Variants in CECR2 observed in about 807,000 individuals in gnomAD.
The protein encoded by CECR2 is CECR2 histone acetyl-lysine reader.
CECR2 carries 30 observed loss-of-function variants against 154.5 expected under a neutral mutation model. The ratio of observed to expected loss-of-function variants is 0.19; its 90% CI spans 0.15 to 0.26. The LOEUF is 0.26. Among genes scored for constraint, CECR2 ranks in the 10% least tolerant of loss-of-function variants. The pLI is 1.00. For missense variants in CECR2, 1,743 were observed against 1,829.3 expected (o/e 0.95, Z 0.86); for synonymous variants, 725 against 683.7 (o/e 1.06, Z -0.94).
intron 10 of CECR2, among the ~76,000 whole-genome samples, chr22:17,538,102 C>T (rs528703368): frequency 2.6e-5 from 4 of 152,218 alleles, no homozygotes; most frequent in African/African-American, 9.6e-5. Context: ...CCCGTAGTCC[C>T]AACTATTCAG....
intron 1 of CECR2, among the ~76,000 whole-genome samples, chr22:17,413,741 A>C (rs2146574955): frequency 6.6e-6 from 1 of 151,812 alleles, no homozygotes; most frequent in South Asian, 2.1e-4. Flanking sequence ...CAGTGGCGCG[A>C]TCTCAGCTCA....
Position 17,369,479 on chromosome 22 carries a change from A to C in CECR2, c.-305A>C. 7.0e-6 allele frequency: 1 copy of C among 143,446 alleles called. No individual in the cohort carries two copies. The highest frequency in any genetic ancestry group is 2.6e-5 in the African/African-American group (1 of 38,852). The allele number at this position is 143,446 out of a possible 1,614,324, so 8.9% of individuals were successfully genotyped here. A position where few individuals can be genotyped will look rare whatever the true frequency, so the allele number is the denominator to read the frequency against. On this transcript the variant is annotated 5_prime_UTR_variant, in exon 1 of 19. Transcript: ENST00000262608. The stretch of plus-strand genomic sequence containing the variant: ...AGCCCCATCTGTTTCTCCGGCGGGG[A>C]CTCGATTATATTGTAGGGGACTGGG...
chr22:17,427,264 G>A (rs2054345773), intron 1 of CECR2, among the ~76,000 whole-genome samples: 1 of 152,028 alleles, frequency 6.6e-6, no homozygotes, highest in Non-Finnish European at 1.5e-5. Flanking sequence ...GTCTACCATT[G>A]ATAGACATTT....
intron 1 of CECR2, among the ~76,000 whole-genome samples, chr22:17,455,757 C>T (rs1019847697): frequency 6.6e-6 from 1 of 152,218 alleles, no homozygotes; most frequent in Non-Finnish European, 1.5e-5. Context: ...ACTACAGGCG[C>T]ACACCAGCAC....
chr22:17,461,192 C>T (rs989667650), intron 1 of CECR2, among the ~76,000 whole-genome samples: 4 of 152,202 alleles, frequency 2.6e-5, no homozygotes, highest in Non-Finnish European at 4.4e-5. Context: ...ATGAGGAAAG[C>T]TTCTCTTCTC....
intron 8 of CECR2, among the ~76,000 whole-genome samples, chr22:17,516,950 G>T (rs1000467785): frequency 6.6e-6 from 1 of 150,648 alleles, no homozygotes; most frequent in African/African-American, 2.4e-5. Context: ...TCACTCTGTC[G>T]CCCAGGCTGG....
intron 6 of CECR2, among the ~76,000 whole-genome samples, chr22:17,504,307 G>A (rs2055794564): frequency 6.6e-6 from 1 of 151,920 alleles, no homozygotes; most frequent in Non-Finnish European, 1.5e-5. Context: ...CCCAGGAGGT[G>A]TAGGTTACAG....
Position 17,540,405 on chromosome 22 carries a change from C to T in CECR2, c.1496-7C>T, listed in dbSNP as rs1348498089. The stretch of plus-strand genomic sequence containing the variant: ...ACCTAGAAGTCAATCCTCCTGTCTT[C>T]CTATAGAGTATACCAAGATGTCTGA... On this transcript the variant is annotated splice_region_variant and splice_polypyrimidine_tract_variant and intron_variant, in intron 13 of 18. Transcript: ENST00000262608. 6.6e-7 allele frequency: 1 copy of T among 1,516,818 alleles called. No individual in the cohort carries two copies. The highest frequency in any genetic ancestry group is 1.4e-5 in the South Asian group (1 of 72,514). 94.0% of individuals were successfully genotyped at this position (1,516,818 alleles called of 1,614,324 possible).
chr22:17,513,139 C>A (rs2055989529), intron 8 of CECR2, among the ~76,000 whole-genome samples: 1 of 152,032 alleles, frequency 6.6e-6, no homozygotes, highest in African/African-American at 2.4e-5. Context: ...TTACTTGAGC[C>A]TAGGAGTTTG....
rs1569155862 is a variant in CECR2 at position 17,544,836 on chromosome 22, AGG to A, written c.2860+1834_2860+1835del. On this transcript the variant is annotated intron_variant, in intron 16 of 18. Coordinates refer to ENST00000262608, the MANE Select transcript of CECR2 (RefSeq NM_001290047.2). ...AAAAAAAAAAAAAAAAAAAAAAAAAAGGTTCATGCCTATAGTCCCAGCTACTT... is the reference window on the plus strand; with the variant it reads ...AAAAAAAAAAAAAAAAAAAAAAAAAATTCATGCCTATAGTCCCAGCTACTT... Among the ~76,000 whole-genome samples, 42 of 139,248 alleles carry A rather than the reference AGG, an allele frequency of 3.0e-4. 3 individuals carry two copies. Among genetic ancestry groups the A allele is most frequent in the Non-Finnish European group, 4.7e-4 (30 of 64,324 alleles). 91.4% of individuals were successfully genotyped at this position (139,248 alleles called of 152,430 possible).
rs551799682 is a variant in CECR2 at position 17,554,404 on chromosome 22, C to T, written c.*1564C>T. The T allele has an allele frequency of 2.6e-5, 4 of 152,150 alleles. No individual in the cohort carries two copies. The highest frequency in any genetic ancestry group is 6.6e-5 in the Admixed American group (1 of 15,252). The allele number at this position is 152,150 out of a possible 1,614,324, so 9.4% of individuals were successfully genotyped here. A position where few individuals can be genotyped will look rare whatever the true frequency, so the allele number is the denominator to read the frequency against. Reference sequence around the variant, plus strand: ...TGGGAGGGGCCAGTAGAGTGTTTCCCTCCAATTCCAGGATTCCTAGTGAAG... The same window carrying T: ...TGGGAGGGGCCAGTAGAGTGTTTCCTTCCAATTCCAGGATTCCTAGTGAAG... On this transcript the variant is annotated 3_prime_UTR_variant, in exon 19 of 19. Transcript: ENST00000262608.
rs189000115 is a variant in CECR2, at chr22:17,547,260, C to T, written c.2861-888C>T. ...CTCTTTTTTTTTTGAGATGGAGTCT[C>T]ACTCTGTCGCCCAGGCTGGAGTACA... On this transcript the variant is annotated intron_variant, in intron 16 of 18. Coordinates refer to ENST00000262608, the MANE Select transcript of CECR2 (RefSeq NM_001290047.2). Among the ~76,000 whole-genome samples the T allele has an allele frequency of 3.6e-3, 536 of 150,598 alleles. 4 individuals carry two copies. The highest frequency in any genetic ancestry group is 0.012 in the African/African-American group (507 of 41,134).
chr22:17,469,621 C>T (rs766735895), intron 1 of CECR2, among the ~76,000 whole-genome samples: 1 of 143,544 alleles, frequency 7.0e-6, no homozygotes, highest in African/African-American at 2.6e-5. Context: ...CAGTAAGAAT[C>T]CAGTTCTCTT....
chr22:17,492,928 C>T (rs1209353908), intron 2 of CECR2, among the ~76,000 whole-genome samples: 1 of 152,134 alleles, frequency 6.6e-6, no homozygotes, highest in Non-Finnish European at 1.5e-5. Flanking sequence ...TTTAGCAGCA[C>T]AGTGCCACTG....
chr22:17,493,220 T>C (rs2055562345), intron 2 of CECR2, among the ~76,000 whole-genome samples: 1 of 152,132 alleles, frequency 6.6e-6, no homozygotes, highest in African/African-American at 2.4e-5. Flanking sequence ...GATCTGCCCA[T>C]CTCGGCCTCC....
At chr22:17,414,458 T>C (rs2054124937) in intron 1 of CECR2, among the ~76,000 whole-genome samples, 1 of 138,090 alleles carries the variant, frequency 7.2e-6, no homozygotes, top group Non-Finnish European at 1.5e-5. Context: ...TCTTTTTTCT[T>C]TTTTTTTTTT....
rs2056107243 is a variant in CECR2 at position 17,518,876 on chromosome 22, C to T, written c.955-5242C>T. On this transcript the variant is annotated intron_variant, in intron 8 of 18. Coordinates refer to ENST00000262608, the MANE Select transcript of CECR2 (RefSeq NM_001290047.2). The stretch of plus-strand genomic sequence containing the variant: ...TTTTACCTCTCCTTTCTCTTAGTAT[C>T]CTTCCTTCTCCCCCAAAAAAACTTA... 1.2e-5 allele frequency: 3 copies of T among 243,972 alleles called. No homozygotes were observed. The South Asian group carries it at 1.7e-4, about 14-fold the overall frequency. 15.1% of individuals were successfully genotyped at this position (243,972 alleles called of 1,614,324 possible).
intron 16 of CECR2, among the ~76,000 whole-genome samples, chr22:17,547,520 G>A (rs1402502919): frequency 6.6e-6 from 1 of 152,178 alleles, no homozygotes; most frequent in Non-Finnish European, 1.5e-5. Context: ...GTGAGCCACC[G>A]TGCCCGGCCC....
intron 1 of CECR2, among the ~76,000 whole-genome samples, chr22:17,385,186 GC>G (rs1478095503): frequency 6.6e-6 from 1 of 152,140 alleles, no homozygotes; most frequent in Non-Finnish European, 1.5e-5. Context: ...AGGCTGTTTT[GC>G]CTTCTCATTA....
Sources: allele counts gnomAD v4.1 joint callset (sites outside exome capture counted in the v4.1 genomes callset), GRCh38; gene constraint gnomAD v4.1.1; transcripts MANE v1.5; gene names NCBI Gene and HGNC (gene_info 2026-07-23, HGNC 2026-07-21).